Variants in CHD7 observed in about 807,000 individuals in gnomAD.
CHD7 encodes the protein ATP-dependent chromatin remodeler CHD7.
A neutral mutation model predicts 307.3 loss-of-function variants in CHD7; 24 were observed. The ratio of observed to expected loss-of-function variants is 0.08; its 90% CI spans 0.06 to 0.11. CHD7 has a LOEUF of 0.11. Among genes scored for constraint, CHD7 ranks in the 10% least tolerant of loss-of-function variants. CHD7 has a pLI of 1.00. For synonymous variants in CHD7, 1,363 were observed against 1,349.9 expected, an observed-to-expected ratio of 1.01 and a Z score of -0.21; for missense variants, 3,106 against 3,727.1, an observed-to-expected ratio of 0.83 and a Z score of 4.34.
At chr8:60,728,817 T>G (rs1392592894) in intron 1 of CHD7, among the ~76,000 whole-genome samples, 3 of 152,174 alleles carry the variant, frequency 2.0e-5, no homozygotes, top group African/African-American at 7.2e-5. Flanking sequence ...TAACAAAGTT[T>G]ATTTATTTTA....
At chr8:60,808,182 T>C (rs991309629) in intron 6 of CHD7, 35 bp from the exon 7 acceptor site, 2 of 1,462,268 alleles carry the variant, frequency 1.4e-6, no homozygotes, top group Non-Finnish European at 1.9e-6. Context: ...AGTAGATGGT[T>C]TTAAATACAT....
intron 35 of CHD7, 42 bp from the exon 36 acceptor site, chr8:60,862,154 T>C: frequency 6.5e-7 from 1 of 1,527,354 alleles, no homozygotes; most frequent in Non-Finnish European, 8.9e-7. Context: ...GAAGAATAAG[T>C]ACTAAATACC....
chr8:60,803,133 A>G (rs1053639759), intron 6 of CHD7, among the ~76,000 whole-genome samples: 1 of 152,220 alleles, frequency 6.6e-6, no homozygotes, highest in African/African-American at 2.4e-5. Context: ...TAGAACTGCT[A>G]ATTTATGAAT....
chr8:60,825,640 C>T (rs1358293786), intron 13 of CHD7, among the ~76,000 whole-genome samples: 1 of 152,190 alleles, frequency 6.6e-6, no homozygotes. Context: ...TAGGGATCCA[C>T]CTTCATAGTT....
At chr8:60,814,602 C>T (rs1056882879) in intron 7 of CHD7, among the ~76,000 whole-genome samples, 16 of 152,124 alleles carry the variant, frequency 1.1e-4, no homozygotes, top group Admixed American at 2.0e-4. Flanking sequence ...CATGCCACCA[C>T]GGCCTAGCTG....
intron 37 of CHD7, chr8:60,863,352 C>G (rs541135071): frequency 9.2e-5 from 14 of 152,360 alleles, no homozygotes; most frequent in African/African-American, 3.1e-4. Flanking sequence ...GAAGCAGTTT[C>G]TTTCGCTCAT....
rs368919638 is a variant in CHD7, at chr8:60,837,757, C to T, written c.4275C>T (p.Phe1425=). The change falls in exon 18 of 38, where the codon TTC becomes TTT. Residue 1425 remains phenylalanine, a synonymous_variant. Transcript: ENST00000423902. Reference sequence around the variant, plus strand: ...GAAATTCCTATGAAAGGGAAATGTTCGACAAGGCTAGTTTGAAACTGGGCC... The same window carrying T: ...GAAATTCCTATGAAAGGGAAATGTTTGACAAGGCTAGTTTGAAACTGGGCC... ...ITRNSYEREM[F]DKASLKLGLD... is the part of the protein sequence containing the mutation. 4.9e-5 allele frequency: 79 copies of T among 1,612,762 alleles called. No individual in the cohort carries two copies. The Middle Eastern group carries it at 8.2e-4, about 17-fold the overall frequency.
chr8:60,848,865 T>A (rs1805325684), intron 24 of CHD7, among the ~76,000 whole-genome samples, 186 bp from the exon 25 acceptor site: 1 of 152,186 alleles, frequency 6.6e-6, no homozygotes, highest in African/African-American at 2.4e-5. Context: ...GGATACCATG[T>A]GATAAAGTTC....
chr8:60,701,287 C>A (rs1328242097), intron 1 of CHD7, among the ~76,000 whole-genome samples: 1 of 152,218 alleles, frequency 6.6e-6, no homozygotes, highest in Admixed American at 6.5e-5. Flanking sequence ...CGGCTCAGAT[C>A]ACCAGTCTTT....
chr8:60,768,554 G>A (rs73684567), intron 2 of CHD7, among the ~76,000 whole-genome samples: 505 of 152,322 alleles, frequency 3.3e-3, no homozygotes, highest in African/African-American at 0.011. Context: ...CCTCCAACTT[G>A]TATTAGTTTG....
At chr8:60,703,525 C>G (rs1806871658) in intron 1 of CHD7, among the ~76,000 whole-genome samples, 1 of 152,218 alleles carries the variant, frequency 6.6e-6, no homozygotes, top group Non-Finnish European at 1.5e-5. Context: ...CCCCCCACCA[C>G]CCAACTGAAA....
intron 2 of CHD7, among the ~76,000 whole-genome samples, chr8:60,778,793 T>C (rs1337619803): frequency 1.3e-5 from 2 of 152,226 alleles, no homozygotes; most frequent in East Asian, 3.8e-4. Context: ...AGGAATAATA[T>C]GTACAAACTA....
chr8:60,824,502 G>A (rs1285097585), intron 13 of CHD7: 1 of 159,494 alleles, frequency 6.3e-6, no homozygotes, highest in African/African-American at 2.4e-5. Flanking sequence ...TTTTGGATAA[G>A]GGATACTTAA....
At chr8:60,748,777 G>C (rs1451265389) in intron 2 of CHD7, among the ~76,000 whole-genome samples, 1 of 151,974 alleles carries the variant, frequency 6.6e-6, no homozygotes, top group South Asian at 2.1e-4. Context: ...TCTGCAACAA[G>C]GTGTCCTTAA....
chr8:60,702,205 T>A (rs1806799936), intron 1 of CHD7, among the ~76,000 whole-genome samples: 1 of 152,218 alleles, frequency 6.6e-6, no homozygotes, highest in African/African-American at 2.4e-5. Flanking sequence ...GGGTGTATGA[T>A]GCAAAGCCCC....
rs755484854 is a variant in CHD7 at position 60,803,113 on chromosome 8, C to G, written c.2442+1520C>G. Among the ~76,000 whole-genome samples, 36 of 152,160 alleles carry G rather than the reference C, an allele frequency of 2.4e-4. 1 individual carries two copies. The highest frequency in any genetic ancestry group is 2.1e-4 in the South Asian group (1 of 4,828). On this transcript the variant is annotated intron_variant, in intron 6 of 37. Transcript: ENST00000423902. ...ATTAGAAGGTTGCATTTTTGTCCTA[C>G]TAATGACTCTAGAACTGCTAATTTA...
chr8:60,715,761 A>AAAAACAAAAC (rs145810726), intron 1 of CHD7, among the ~76,000 whole-genome samples: 1 of 152,010 alleles, frequency 6.6e-6, no homozygotes, highest in Non-Finnish European at 1.5e-5. Context: ...TCTACCTTAG[A>AAAAACAAAAC]AAAACAAAAC....
intron 3 of CHD7, 85 bp downstream of exon 3, chr8:60,781,515 G>C (rs1171841362): frequency 1.4e-6 from 2 of 1,427,052 alleles, no homozygotes; most frequent in East Asian, 2.5e-5. Flanking sequence ...GAAATGAGGG[G>C]TGGGAGGGGA....
intron 1 of CHD7, among the ~76,000 whole-genome samples, chr8:60,733,356 A>C (rs1048315809): frequency 6.6e-6 from 1 of 152,224 alleles, no homozygotes; most frequent in Non-Finnish European, 1.5e-5. Context: ...TTGCCATACA[A>C]TGTTGAGTAC....
Sources: allele counts gnomAD v4.1 joint callset (sites outside exome capture counted in the v4.1 genomes callset), GRCh38; gene constraint gnomAD v4.1.1; transcripts MANE v1.5; gene names NCBI Gene and HGNC (gene_info 2026-07-23, HGNC 2026-07-21).